The following RANBP2 variants were observed in gnomAD, a reference collection of about 807,000 sequenced individuals.
RANBP2 encodes E3 SUMO-protein ligase RanBP2.
Under a neutral mutation model 303.6 loss-of-function variants are expected in RANBP2, and 57 were observed. That is an observed-to-expected ratio of 0.19 (90% confidence interval 0.15 to 0.23). The LOEUF (loss-of-function observed/expected upper bound fraction) is 0.23, where lower values mean the gene tolerates loss of function less well. Ranked by LOEUF, RANBP2 falls within the 10% of genes least tolerant of loss-of-function variation. RANBP2 has a pLI of 1.00. For synonymous variants in RANBP2, 1,167 were observed against 1,301.5 expected, an observed-to-expected ratio of 0.90 and a Z score of 2.23; for missense variants, 3,138 against 3,780.8, an observed-to-expected ratio of 0.83 and a Z score of 4.46.
chr2:109,484,568 T>A, the RANBP2 span, among the ~76,000 whole-genome samples: 1 of 152,224 alleles, frequency 6.6e-6, no homozygotes, highest in South Asian at 2.1e-4. Flanking sequence ...AGTTACCTCC[T>A]GCCCTATCAG....
chr2:108,767,965 A>G lies in RANBP2; in HGVS notation c.7426A>G (p.Thr2476Ala), dbSNP rs1677229018. 6.2e-7 allele frequency: 1 copy of G among 1,611,854 alleles called. No individual in the cohort carries two copies. Among genetic ancestry groups the G allele is most frequent in the Admixed American group, 1.7e-5 (1 of 59,982 alleles). Reference sequence around the variant, plus strand: ...TGCTGTAGCTGTATTAGAAGAAACCACAAGAGAGAGGACAGATGTTATTCA... The same window carrying G: ...TGCTGTAGCTGTATTAGAAGAAACCGCAAGAGAGAGGACAGATGTTATTCA... ...KIAVAVLEET[T>A]RERTDVIQGD... Residue 2476 changes from threonine to alanine, a missense_variant, in exon 20 of 29, where the codon ACA becomes GCA. Thr to Ala is a moderately conservative substitution (Grantham distance 58, BLOSUM62 0). Around this residue, in one of 20 missense-constraint regions of RANBP2, gnomAD observed 92 missense variants for 211.0 expected, o/e 0.44. Transcript: ENST00000283195.
At chr2:109,229,100 T>C in the RANBP2 span, among the ~76,000 whole-genome samples, 18 of 152,068 alleles carry the variant, frequency 1.2e-4, no homozygotes, top group African/African-American at 4.1e-4. Flanking sequence ...AGACCAAATA[T>C]CAGAACAAAA....
chr2:109,324,096 CATA>C, the RANBP2 span, among the ~76,000 whole-genome samples: 5 of 152,180 alleles, frequency 3.3e-5, no homozygotes, highest in Admixed American at 2.6e-4. Context: ...TTTCACTTAG[CATA>C]ATATTTTCAA....
In RANBP2 at chr2:108,783,584, T is replaced by C; in HGVS notation, c.9370-12T>C. On this transcript the variant is annotated splice_polypyrimidine_tract_variant and intron_variant, in intron 28 of 28. Coordinates refer to ENST00000283195, the MANE Select transcript of RANBP2 (RefSeq NM_006267.5). The stretch of plus-strand genomic sequence containing the variant: ...AAATTTTTAACTTTTTTATTATAAA[T>C]CTTTTTTTCAGGGAGGAGATATCAC... The C allele has an allele frequency of 1.3e-6, 2 of 1,593,312 alleles. No homozygotes were observed. Among genetic ancestry groups the C allele is most frequent in the Non-Finnish European group, 8.6e-7 (1 of 1,167,866 alleles).
chr2:108,785,983 C>T (rs543104863), downstream of RANBP2, among the ~76,000 whole-genome samples: 2 of 152,234 alleles, frequency 1.3e-5, no homozygotes, highest in Non-Finnish European at 2.9e-5. Flanking sequence ...TAAAAGATTA[C>T]ACCACTGTAA....
chr2:109,525,079 GT>G, the RANBP2 span, among the ~76,000 whole-genome samples: 13,037 of 119,314 alleles, frequency 0.11, 1,054 homozygotes, highest in African/African-American at 0.26. Flanking sequence ...CCTTACCGTT[GT>G]TTTTTTTTTT....
At chr2:109,386,799 G>A in the RANBP2 span, among the ~76,000 whole-genome samples, 243 of 152,220 alleles carry the variant, frequency 1.6e-3, no homozygotes, top group African/African-American at 5.8e-3. Context: ...GAAACATCAT[G>A]CTCTTAAAAA....
the RANBP2 span, among the ~76,000 whole-genome samples, chr2:109,691,938 G>A: frequency 3.3e-5 from 5 of 151,802 alleles, no homozygotes; most frequent in Non-Finnish European, 5.9e-5. Context: ...GCCCGCCACC[G>A]TGCCCAGCTA....
chr2:109,206,490 C>CAAAAAAAAAAA, the RANBP2 span, among the ~76,000 whole-genome samples: 5 of 40,760 alleles, frequency 1.2e-4, no homozygotes, highest in African/African-American at 5.0e-4. Context: ...GACTCCGTCT[C>CAAAAAAAAAAA]AAAAAAAAAA....
the RANBP2 span, among the ~76,000 whole-genome samples, chr2:109,042,238 A>G: frequency 6.6e-6 from 1 of 152,234 alleles, no homozygotes; most frequent in African/African-American, 2.4e-5. Context: ...TACTTATTCC[A>G]GATTTCATAA....
chr2:109,232,822 A>G, the RANBP2 span, among the ~76,000 whole-genome samples: 1 of 152,200 alleles, frequency 6.6e-6, no homozygotes, highest in Non-Finnish European at 1.5e-5. Flanking sequence ...TGAAAACTAA[A>G]TTTTAATGCA....
the RANBP2 span, among the ~76,000 whole-genome samples, chr2:109,701,496 C>A: frequency 6.6e-6 from 1 of 152,284 alleles, no homozygotes; most frequent in South Asian, 2.1e-4. Context: ...CAGAAGTAGA[C>A]AAGAGACAAA....
At chr2:108,726,739 T>C (rs1429011827) in intron 1 of RANBP2, among the ~76,000 whole-genome samples, 6 of 151,592 alleles carry the variant, frequency 4.0e-5, no homozygotes, top group Non-Finnish European at 7.4e-5. Context: ...GATAAACAAG[T>C]GAACAAAGGT....
At chr2:109,648,274 G>A in the RANBP2 span, among the ~76,000 whole-genome samples, 1,217 of 152,346 alleles carry the variant, frequency 8.0e-3, 26 homozygotes, top group African/African-American at 0.027. Flanking sequence ...GCTGGCTGCA[G>A]CCTGGCAGGG....
the RANBP2 span, among the ~76,000 whole-genome samples, chr2:109,009,974 T>A: frequency 1.3e-5 from 2 of 152,320 alleles, no homozygotes; most frequent in Middle Eastern, 3.4e-3. Flanking sequence ...GCCATGATAG[T>A]CCTTGGAAAC....
At chr2:108,886,577 G>C in the RANBP2 span, among the ~76,000 whole-genome samples, 6 of 152,014 alleles carry the variant, frequency 3.9e-5, no homozygotes. Flanking sequence ...ACCATGCCCG[G>C]CTAATTTTTG....
At chr2:108,748,397 AT>A (rs1675552005) in intron 8 of RANBP2, among the ~76,000 whole-genome samples, 2 of 85,946 alleles carry the variant, frequency 2.3e-5, no homozygotes, top group Admixed American at 1.3e-4. Flanking sequence ...TTTTTTTTGT[AT>A]TTTTAGTAGA....
the RANBP2 span, among the ~76,000 whole-genome samples, chr2:109,577,895 G>C: frequency 3.3e-5 from 4 of 122,416 alleles, no homozygotes; most frequent in South Asian, 1.1e-3. Flanking sequence ...CCTGGGTGAC[G>C]AAGTGAGACT....
chr2:108,819,840 AACTC>A, the RANBP2 span, among the ~76,000 whole-genome samples: 1 of 148,394 alleles, frequency 6.7e-6, no homozygotes, highest in Non-Finnish European at 1.5e-5. Context: ...AAGCTTCAGA[AACTC>A]ACCCTAAAGA....
Sources: gnomAD v4.1 joint callset for allele counts (sites outside exome capture counted in the v4.1 genomes callset) on GRCh38, gnomAD v4.1.1 for gene constraint, gnomAD v4.1.1 regional missense constraint, MANE v1.5 for transcripts, NCBI Gene and HGNC (gene_info 2026-07-23, HGNC 2026-07-21) for gene names.